Variants in DGKB observed in about 807,000 individuals in gnomAD.
DGKB encodes the protein 90 kDa diacylglycerol kinase.
Under a neutral mutation model 114.3 loss-of-function variants are expected in DGKB, and 67 were observed. The ratio of observed to expected loss-of-function variants is 0.59; its 90% CI spans 0.48 to 0.72. DGKB has a LOEUF of 0.72. Ranked by LOEUF, DGKB falls within the 30% of genes least tolerant of loss-of-function variation. DGKB has a pLI of 0.00. For missense variants in DGKB, 907 were observed against 975.2 expected (o/e 0.93, Z 0.93); for synonymous variants, 398 against 323.1 (o/e 1.23, Z -2.49).
intron 13 of DGKB, among the ~76,000 whole-genome samples, chr7:14,662,484 C>A (rs1817323836): frequency 6.6e-6 from 1 of 151,926 alleles, no homozygotes; most frequent in South Asian, 2.1e-4. Context: ...TGATCCTTTG[C>A]ACTTCTGAGT....
At position 14,478,219 on chromosome 7, in the gene DGKB, A is replaced by C; in HGVS notation, c.1777T>G (p.Ser593Ala). 1 of 1,591,296 alleles carries C rather than the reference A, an allele frequency of 6.3e-7. No homozygotes were observed. Residue 593 changes from serine to alanine, a missense_variant, in exon 21 of 26, where the codon TCC becomes GCC. This residue lies in a region of DGKB where 814 missense variants were observed against 856.6 expected (regional missense o/e 0.95). Transcript: ENST00000402815. ...NNYFSIGVDA[S>A]IAHRFHIMRE... is the part of the protein sequence containing the mutation. Reference sequence around the variant, plus strand: ...ATGATGTGGAATCTGTGTGCAATGGAGGCATCCTAAGGGGAGAAAATAGAA... The same window carrying C: ...ATGATGTGGAATCTGTGTGCAATGGCGGCATCCTAAGGGGAGAAAATAGAA...
intron 22 of DGKB, among the ~76,000 whole-genome samples, chr7:14,341,307 T>C (rs1811567038): frequency 6.6e-6 from 1 of 151,852 alleles, no homozygotes; most frequent in Admixed American, 6.6e-5. Context: ...TGTTCATTAG[T>C]CTGGAAAATT....
At chr7:14,230,003 G>C (rs1490205274) in intron 23 of DGKB, among the ~76,000 whole-genome samples, 1 of 151,994 alleles carries the variant, frequency 6.6e-6, no homozygotes, top group East Asian at 1.9e-4. Context: ...TGAAAGATTT[G>C]TGGTGGAGGA....
chr7:14,823,721 G>C (rs1438016454), intron 2 of DGKB, among the ~76,000 whole-genome samples: 1 of 152,074 alleles, frequency 6.6e-6, no homozygotes, highest in Non-Finnish European at 1.5e-5. Flanking sequence ...AAGAAAGTGA[G>C]GCTAAAGGTA....
intron 13 of DGKB, among the ~76,000 whole-genome samples, chr7:14,655,518 GCAAT>G (rs1182531301): frequency 1.3e-5 from 2 of 151,660 alleles, no homozygotes; most frequent in Non-Finnish European, 3.0e-5. Context: ...ATATAATCCA[GCAAT>G]CCTGTTATTG....
intron 1 of DGKB, among the ~76,000 whole-genome samples, chr7:14,963,340 G>A (rs1478021630): frequency 6.6e-6 from 1 of 152,104 alleles, no homozygotes; most frequent in Non-Finnish European, 1.5e-5. Flanking sequence ...AAGATGGGAA[G>A]TATGGTAGCC....
chr7:14,890,255 A>G (rs1780979497), intron 1 of DGKB, among the ~76,000 whole-genome samples: 1 of 151,518 alleles, frequency 6.6e-6, no homozygotes, highest in Admixed American at 6.6e-5. Flanking sequence ...AAGAAATGCC[A>G]GATATTTAAA....
At chr7:14,567,290 A>T (rs188626251) in intron 20 of DGKB, among the ~76,000 whole-genome samples, 484 of 41,060 alleles carry the variant, frequency 0.012, 52 homozygotes, top group East Asian at 0.023. Context: ...TTATATATAT[A>T]ATATATTTAT....
intron 14 of DGKB, among the ~76,000 whole-genome samples, chr7:14,629,595 G>A (rs530772889): frequency 6.6e-6 from 1 of 152,122 alleles, no homozygotes; most frequent in East Asian, 1.9e-4. Context: ...AATAACAATT[G>A]AATTGGATAC....
rs960418113 is a variant in DGKB, at chr7:14,652,686, A to G, written c.1134+20243T>C. Among the ~76,000 whole-genome samples the G allele has an allele frequency of 5.3e-5, 8 of 149,938 alleles. No homozygotes were observed. In the Admixed American group the frequency reaches 5.4e-4, roughly 10 times the overall value. ...AAAGTAAAGAGCTTCTGCACAGCAA[A>G]AGAAACTACCATCAGAGTGAACAGG... On this transcript the variant is annotated intron_variant, in intron 13 of 25. Transcript: ENST00000402815.
intron 9 of DGKB, among the ~76,000 whole-genome samples, chr7:14,693,824 G>C (rs111936487): frequency 8.3e-4 from 126 of 152,142 alleles, no homozygotes; most frequent in African/African-American, 2.9e-3. Flanking sequence ...ACCTTCAACA[G>C]AGGAAAACAA....
At chr7:14,511,067 T>C (rs1460210489) in intron 20 of DGKB, among the ~76,000 whole-genome samples, 1 of 152,194 alleles carries the variant, frequency 6.6e-6, no homozygotes, top group East Asian at 1.9e-4. Context: ...GGTCCTAGGA[T>C]CTTCAGAATG....
chr7:14,799,062 C>A (rs1841795557), intron 2 of DGKB, among the ~76,000 whole-genome samples: 1 of 152,202 alleles, frequency 6.6e-6, no homozygotes, highest in African/African-American at 2.4e-5. Context: ...ATGCAGAAGA[C>A]AGATGAACTT....
intron 12 of DGKB, among the ~76,000 whole-genome samples, chr7:14,677,919 C>G (rs185017992): frequency 2.4e-4 from 36 of 152,072 alleles, no homozygotes; most frequent in Non-Finnish European, 4.4e-4. Flanking sequence ...AAATTTCATT[C>G]TAAGAGCCTA....
intron 4 of DGKB, among the ~76,000 whole-genome samples, chr7:14,743,934 G>C (rs1589843): frequency 0.052 from 7,928 of 152,168 alleles, 302 homozygotes; most frequent in Admixed American, 0.11. Flanking sequence ...TCTAACACTG[G>C]ACTAAAGGGA....
upstream of DGKB, chr7:14,903,115 C>CA: frequency 6.6e-6 from 1 of 152,236 alleles, no homozygotes; most frequent in East Asian, 1.9e-4. Context: ...AACAATTTGT[C>CA]AGAGATGAAA....
At chr7:14,611,352 A>G (rs1403598451) in intron 16 of DGKB, among the ~76,000 whole-genome samples, 1 of 152,144 alleles carries the variant, frequency 6.6e-6, no homozygotes, top group Non-Finnish European at 1.5e-5. Flanking sequence ...CTGTCTGAAC[A>G]CATATGTGAA....
chr7:14,568,148 A>G lies in DGKB; in HGVS notation c.1770+6064T>C, dbSNP rs1267162275. ...ACCTCACTGCCATGTAAGCTTAGTG[A>G]CTATACAGACTTCTATCATTTTCAT... On this transcript the variant is annotated intron_variant, in intron 20 of 25. Transcript: ENST00000402815. 2.0e-5 allele frequency among the ~76,000 whole-genome samples: 3 copies of G among 152,234 alleles called. No homozygotes were observed. In the East Asian group the frequency reaches 5.8e-4, roughly 29 times the overall value.
chr7:14,478,274 T>C, intron 20 of DGKB, 49 bp from the exon 21 acceptor site: 1 of 1,117,318 alleles, frequency 9.0e-7, no homozygotes, highest in Non-Finnish European at 1.3e-6. Context: ...ATGATCCTAT[T>C]ATTTTATGAA....
Sources: gnomAD v4.1 joint callset for allele counts (sites outside exome capture counted in the v4.1 genomes callset) on GRCh38, gnomAD v4.1.1 for gene constraint, gnomAD v4.1.1 regional missense constraint, MANE v1.5 for transcripts, NCBI Gene and HGNC (gene_info 2026-07-23, HGNC 2026-07-21) for gene names.